Variants in CCNE2 observed in about 807,000 individuals in gnomAD.
CCNE2 encodes G1/S-specific cyclin-E2.
Under a neutral mutation model 56.8 loss-of-function variants are expected in CCNE2, and 18 were observed. That is an observed-to-expected ratio of 0.32 (90% CI 0.22 to 0.47). The LOEUF (loss-of-function observed/expected upper bound fraction) is 0.47. Ranked by LOEUF, CCNE2 falls within the 20% of genes least tolerant of loss-of-function variation. The pLI, the probability that CCNE2 is intolerant of heterozygous loss-of-function variation, is 1.00. For missense variants in CCNE2, 371 were observed against 467.1 expected (o/e 0.79, Z 1.90); for synonymous variants, 139 against 149.2 (o/e 0.93, Z 0.50).
intron 5 of CCNE2, among the ~76,000 whole-genome samples, chr8:94,891,013 A>G (rs1265707330): frequency 1.3e-5 from 2 of 152,188 alleles, no homozygotes; most frequent in African/African-American, 4.8e-5. Context: ...GAAGCTCTTA[A>G]AGTAAATAAG....
At chr8:94,894,534 T>A in intron 1 of CCNE2, 2 of 384,668 alleles carry the variant, frequency 5.2e-6, no homozygotes, top group East Asian at 9.0e-5. Flanking sequence ...CTCAAACGGG[T>A]TTTTCTGGGT....
chr8:94,891,369 CCA>C (rs1817234016), intron 5 of CCNE2: 2 of 247,614 alleles, frequency 8.1e-6, no homozygotes, highest in Non-Finnish European at 1.6e-5. Flanking sequence ...ATATGAAAAA[CCA>C]CAAAGTGGCC....
chr8:94,894,250 G>T lies in CCNE2; in HGVS notation c.-26-3C>A, dbSNP rs1025442604. On this transcript the variant is annotated splice_polypyrimidine_tract_variant and splice_region_variant and intron_variant, in intron 1 of 11. Transcript: ENST00000308108. ...CTTCTTTCAGGTGTATAAAACCTCT[G>T]AAGGGGGGAGAGGAAAAGCCGCAGT... is the stretch of plus-strand genomic sequence containing the variant. The T allele has an allele frequency of 1.9e-6, 3 of 1,613,026 alleles. No homozygotes were observed. In the African/African-American group the frequency reaches 4.0e-5, roughly 22 times the overall value.
chr8:94,892,694 T>C lies in CCNE2; in HGVS notation c.317+124A>G. The C allele has an allele frequency of 9.3e-6, 5 of 537,396 alleles. No individual in the cohort carries two copies. In the South Asian group the frequency reaches 2.0e-4, roughly 21 times the overall value. 33.3% of individuals were successfully genotyped at this position (537,396 alleles called of 1,614,324 possible). On this transcript the variant is annotated intron_variant, in intron 5 of 11. Transcript: ENST00000308108. ...ACTCTCAGATAAAATGACATATGAT[T>C]AAATATTAGTAAACAATTTTTACAC...
chr8:94,887,001 C>T (rs1012242755), intron 7 of CCNE2, among the ~76,000 whole-genome samples: 1 of 152,062 alleles, frequency 6.6e-6, no homozygotes, highest in Non-Finnish European at 1.5e-5. Flanking sequence ...GCTCTTAAAG[C>T]TCAAAAGACA....
chr8:94,883,071 C>A (rs1816889555), intron 9 of CCNE2, among the ~76,000 whole-genome samples, 179 bp from the exon 10 acceptor site: 1 of 151,890 alleles, frequency 6.6e-6, no homozygotes, highest in Non-Finnish European at 1.5e-5. Context: ...GTCACGAGAT[C>A]GAGACCATCC....
At chr8:94,894,326 C>A (rs2466431) in intron 1 of CCNE2, 79 bp from the exon 2 acceptor site, 1 of 1,468,780 alleles carries the variant, frequency 6.8e-7, no homozygotes, top group Non-Finnish European at 9.4e-7. Flanking sequence ...CGCTGATTCG[C>A]AGGTGAAAGC....
Position 94,892,936 on chromosome 8 carries a change from T to C in CCNE2, c.199A>G (p.Ser67Gly). 6.5e-7 allele frequency: 1 copy of C among 1,544,354 alleles called. No individual in the cohort carries two copies. Among genetic ancestry groups the C allele is most frequent in the Non-Finnish European group, 8.6e-7 (1 of 1,156,714 alleles). The change falls in exon 5 of 12, where the codon AGT becomes GGT. Residue 67 changes from serine (S) to glycine (G), a missense_variant. Transcript: ENST00000308108. ...CWPPVLSGGISPCIIIETPHK... is the reference protein window; with the variant it reads ...CWPPVLSGGIGPCIIIETPHK... The stretch of plus-strand genomic sequence containing the variant: ...GGTGTTTCAATGATAATGCAAGGAC[T>C]GATCCCCCCAGATAATACAGGTGGC...
chr8:94,895,285 G>C (rs572693472), upstream of CCNE2: 40 of 983,028 alleles, frequency 4.1e-5, no homozygotes, highest in Non-Finnish European at 4.8e-5. Flanking sequence ...CCTCCGGACA[G>C]CGCGCTCCCC....
intron 9 of CCNE2, among the ~76,000 whole-genome samples, chr8:94,883,471 A>G (rs1216889579): frequency 6.6e-6 from 1 of 152,176 alleles, no homozygotes; most frequent in Non-Finnish European, 1.5e-5. Flanking sequence ...TTCTAGGTAT[A>G]GGGACATTAC....
chr8:94,891,112 T>C (rs1586555505), intron 5 of CCNE2: 1 of 152,370 alleles, frequency 6.6e-6, no homozygotes, highest in East Asian at 1.9e-4. Flanking sequence ...ACCTGGACTA[T>C]GATCATCCAA....
chr8:94,881,844 C>G, intron 11 of CCNE2, 99 bp from the exon 12 acceptor site: 1 of 1,397,452 alleles, frequency 7.2e-7, no homozygotes, highest in Non-Finnish European at 9.8e-7. Flanking sequence ...TTTTAATAGT[C>G]TTTTTATGTC....
chr8:94,894,814 G>C (rs562902474), intron 1 of CCNE2, among the ~76,000 whole-genome samples: 1 of 152,330 alleles, frequency 6.6e-6, no homozygotes, highest in South Asian at 2.1e-4. Flanking sequence ...ACTCCAGATG[G>C]GAAGCGGAGG....
At position 94,890,554 on chromosome 8, in the gene CCNE2, T is replaced by C. The variant is rs1254646727; in HGVS notation, c.318-4A>G. The stretch of plus-strand genomic sequence containing the variant: ...GACTTCTTTTGAACATCCCCAGCTA[T>C]GGAAAGAGAGGAAAAAAACCATATA... On this transcript the variant is annotated splice_polypyrimidine_tract_variant and splice_region_variant and intron_variant, in intron 5 of 11. Transcript: ENST00000308108. 4.8e-6 allele frequency: 7 copies of C among 1,454,834 alleles called. No individual in the cohort carries two copies. Among genetic ancestry groups the C allele is most frequent in the Non-Finnish European group, 6.5e-6 (7 of 1,079,870 alleles). 90.1% of individuals were successfully genotyped at this position (1,454,834 alleles called of 1,614,324 possible). A position where few individuals can be genotyped will look rare whatever the true frequency, so the allele number is the denominator to read the frequency against.
Position 94,886,176 on chromosome 8 carries a change from G to C in CCNE2, c.601-618C>G, listed in dbSNP as rs536405233. Among the ~76,000 whole-genome samples, 81 of 152,158 alleles carry C rather than the reference G, an allele frequency of 5.3e-4. 2 individuals carry two copies. The South Asian group carries it at 0.012, about 23-fold the overall frequency. ...ACCATCTATATACAAATCACACACA[G>C]GCTTCAGATTTAAGGACAGCTTCAC... is the stretch of plus-strand genomic sequence containing the variant. On this transcript the variant is annotated intron_variant, in intron 7 of 11. Transcript: ENST00000308108.
At chr8:94,884,958 A>C in intron 9 of CCNE2, 109 bp downstream of exon 9, 1 of 914,144 alleles carries the variant, frequency 1.1e-6, no homozygotes, top group South Asian at 1.8e-5. Context: ...TTCTAGAATT[A>C]AGGAGTGAAG....
chr8:94,895,985 T>G (rs1165483341), upstream of CCNE2: 2 of 152,518 alleles, frequency 1.3e-5, no homozygotes, highest in Admixed American at 1.3e-4. Flanking sequence ...TCCCTCCCCA[T>G]GGGTCGGTCG....
At chr8:94,895,961 C>T (rs1202351650), upstream of CCNE2, 9 of 152,658 alleles carry the variant, frequency 5.9e-5, no homozygotes, top group African/African-American at 2.2e-4. Context: ...GCTCCCTGCT[C>T]CCCCTACCGG....
At chr8:94,887,833 T>C (rs907522411) in intron 7 of CCNE2, 94 bp downstream of exon 7, 1 of 764,948 alleles carries the variant, frequency 1.3e-6, no homozygotes. Flanking sequence ...TTCTAAGGAG[T>C]TAATATAAAA....
Sources: gnomAD v4.1 joint callset for allele counts (sites outside exome capture counted in the v4.1 genomes callset) on GRCh38, gnomAD v4.1.1 for gene constraint, MANE v1.5 for transcripts, NCBI Gene and HGNC (gene_info 2026-07-23, HGNC 2026-07-21) for gene names.